Variants in CTNNA2 observed in about 807,000 individuals in gnomAD.
The protein encoded by CTNNA2 is catenin alpha-2.
A neutral mutation model predicts 101.0 loss-of-function variants in CTNNA2; 42 were observed. That is an observed-to-expected ratio of 0.42 (90% CI 0.32 to 0.54). The LOEUF is 0.54. Ranked by LOEUF, CTNNA2 falls within the 20% of genes least tolerant of loss-of-function variation. The pLI, the probability that CTNNA2 is intolerant of heterozygous loss-of-function variation, is 0.14. For synonymous variants in CTNNA2, 450 were observed against 456.4 expected (o/e 0.99, Z 0.18); for missense variants, 871 against 1,223.1 (o/e 0.71, Z 4.29).
intron 3 of CTNNA2, among the ~76,000 whole-genome samples, chr2:79,352,557 T>A (rs1677415414): frequency 6.6e-6 from 1 of 152,194 alleles, no homozygotes; most frequent in Non-Finnish European, 1.5e-5. Flanking sequence ...ATTGTTCTTT[T>A]GTATGGATTT....
chr2:80,272,547 G>C (rs1473260965), intron 7 of CTNNA2, among the ~76,000 whole-genome samples: 1 of 152,134 alleles, frequency 6.6e-6, no homozygotes, highest in Non-Finnish European at 1.5e-5. Flanking sequence ...AGGGAAAAGA[G>C]GGAAACAGGG....
intron 4 of CTNNA2, among the ~76,000 whole-genome samples, chr2:79,500,028 C>A (rs752578162): frequency 2.0e-4 from 30 of 152,268 alleles, no homozygotes; most frequent in Admixed American, 3.9e-4. Context: ...GGATGAGGAC[C>A]ACCCACATTA....
intron 7 of CTNNA2, among the ~76,000 whole-genome samples, chr2:80,250,182 G>GGAGA (rs67176913): frequency 1.4e-3 from 192 of 142,108 alleles, no homozygotes; most frequent in East Asian, 5.7e-3. Flanking sequence ...ATGGATGGGG[G>GGAGA]GAGAGAGAGA....
At chr2:80,534,601 T>C (rs1690831979) in intron 9 of CTNNA2, among the ~76,000 whole-genome samples, 1 of 152,224 alleles carries the variant, frequency 6.6e-6, no homozygotes, top group Non-Finnish European at 1.5e-5. Context: ...GTGAAGTGGC[T>C]ACTTGAGCAA....
chr2:79,354,576 G>T (rs1029005728), intron 3 of CTNNA2, among the ~76,000 whole-genome samples: 1 of 151,964 alleles, frequency 6.6e-6, no homozygotes, highest in Non-Finnish European at 1.5e-5. Context: ...TCAACTCTTG[G>T]ATTATTTTAT....
At chr2:79,886,364 T>A (rs1483004433) in intron 6 of CTNNA2, among the ~76,000 whole-genome samples, 2 of 151,976 alleles carry the variant, frequency 1.3e-5, no homozygotes, top group Non-Finnish European at 1.5e-5. Context: ...TCAGTCTAAG[T>A]GGGCAAATAG....
intron 7 of CTNNA2, among the ~76,000 whole-genome samples, chr2:80,233,925 C>T (rs1048576977): frequency 2.0e-4 from 30 of 152,108 alleles, no homozygotes; most frequent in African/African-American, 7.2e-4. Flanking sequence ...TTCTTTTGAT[C>T]TTCAAAGTAC....
chr2:79,856,563 C>T (rs193218837), intron 3 of CTNNA2, among the ~76,000 whole-genome samples: 72 of 152,316 alleles, frequency 4.7e-4, no homozygotes, highest in Non-Finnish European at 2.9e-5. Context: ...CCTGTGTACA[C>T]TCTGCTATAT....
chr2:79,419,582 A>G (rs915262857), intron 4 of CTNNA2, among the ~76,000 whole-genome samples: 8 of 152,266 alleles, frequency 5.3e-5, no homozygotes, highest in Middle Eastern at 3.4e-3. Flanking sequence ...AAAAATAAAA[A>G]TAATATGGTT....
intron 3 of CTNNA2, among the ~76,000 whole-genome samples, chr2:79,781,333 A>T (rs1674410748): frequency 6.6e-6 from 1 of 152,138 alleles, no homozygotes; most frequent in Non-Finnish European, 1.5e-5. Context: ...CTTTACTGCA[A>T]CCTGTTTTAT....
chr2:79,453,951 T>A (rs1404003436), intron 4 of CTNNA2, among the ~76,000 whole-genome samples: 1 of 152,136 alleles, frequency 6.6e-6, no homozygotes, highest in African/African-American at 2.4e-5. Flanking sequence ...TAATAAAGAC[T>A]TCTGGTGCTA....
intron 9 of CTNNA2, among the ~76,000 whole-genome samples, chr2:80,525,032 A>G (rs1246276966): frequency 1.3e-5 from 2 of 151,704 alleles, no homozygotes; most frequent in East Asian, 3.9e-4. Context: ...TGGTGCACCC[A>G]TCACTGAGCA....
At chr2:80,058,813 C>G (rs1022414050) in intron 7 of CTNNA2, among the ~76,000 whole-genome samples, 14 of 152,088 alleles carry the variant, frequency 9.2e-5, no homozygotes, top group Non-Finnish European at 1.9e-4. Flanking sequence ...ACACAAAGCC[C>G]AGTCATGGGG....
chr2:79,682,215 T>C lies in CTNNA2; in HGVS notation c.102+30557T>C, dbSNP rs186688210. 7.3e-3 allele frequency among the ~76,000 whole-genome samples: 1,114 copies of C among 151,924 alleles called. 45 individuals carry two copies. In the East Asian group the frequency reaches 0.1, roughly 14 times the overall value. Reference sequence around the variant, plus strand: ...CGAGGTCAGGAGATCGAGACCATCCTGGCTAACAAGGTGAAACCCCGTCTC... The same window carrying C: ...CGAGGTCAGGAGATCGAGACCATCCCGGCTAACAAGGTGAAACCCCGTCTC... On this transcript the variant is annotated intron_variant, in intron 2 of 18. Transcript: ENST00000402739.
intron 7 of CTNNA2, among the ~76,000 whole-genome samples, chr2:80,059,402 T>TG (rs1022377321): frequency 5.9e-5 from 9 of 152,248 alleles, no homozygotes; most frequent in African/African-American, 2.2e-4. Context: ...AAATGCACAT[T>TG]GAAACTCTGC....
intron 7 of CTNNA2, among the ~76,000 whole-genome samples, chr2:79,952,238 T>C (rs1688934863): frequency 6.6e-6 from 1 of 152,160 alleles, no homozygotes; most frequent in South Asian, 2.1e-4. Context: ...TGTCTTATAT[T>C]TGTCCTGTTA....
chr2:79,511,929 G>A (rs1029558178), upstream of CTNNA2, among the ~76,000 whole-genome samples: 1 of 152,164 alleles, frequency 6.6e-6, no homozygotes, highest in African/African-American at 2.4e-5. Flanking sequence ...GTAGCATGTT[G>A]TGAACTTAGC....
intron 7 of CTNNA2, among the ~76,000 whole-genome samples, chr2:80,357,485 T>C (rs529847149): frequency 1.1e-4 from 16 of 152,090 alleles, no homozygotes; most frequent in Non-Finnish European, 1.6e-4. Context: ...GTGCCTATCA[T>C]AGAGCCGGGC....
chr2:79,727,970 T>C lies in CTNNA2; in HGVS notation c.103-16417T>C, dbSNP rs551632538. Among the ~76,000 whole-genome samples, 50 of 152,106 alleles carry C rather than the reference T, an allele frequency of 3.3e-4. 1 individual carries two copies. The South Asian group carries it at 9.5e-3, about 29-fold the overall frequency. The stretch of plus-strand genomic sequence containing the variant: ...TATGTGCCACATTTTCTTAATCCAG[T>C]CTATCATTGTTGGACATTTGGGTTG... On this transcript the variant is annotated intron_variant, in intron 2 of 18. Coordinates refer to ENST00000402739, the MANE Select transcript of CTNNA2 (RefSeq NM_001282597.3).
Sources: allele counts gnomAD v4.1 joint callset (sites outside exome capture counted in the v4.1 genomes callset), GRCh38; gene constraint gnomAD v4.1.1; transcripts MANE v1.5; gene names NCBI Gene and HGNC (gene_info 2026-07-23, HGNC 2026-07-21).